The following PRKCI variants were observed in gnomAD, a reference collection of about 807,000 sequenced individuals.
PRKCI encodes protein kinase C iota type.
PRKCI carries 43 observed loss-of-function variants against 84.0 expected under a neutral mutation model. That is an observed-to-expected ratio of 0.51 (90% CI 0.40 to 0.66). The LOEUF (loss-of-function observed/expected upper bound fraction) is 0.66. Among genes scored for constraint, PRKCI ranks in the 30% least tolerant of loss-of-function variants. PRKCI has a pLI of 0.00. For missense variants in PRKCI, 459 were observed against 745.6 expected (o/e 0.62, Z 4.48); for synonymous variants, 216 against 234.4 (o/e 0.92, Z 0.72).
At position 170,270,543 on chromosome 3, in the gene PRKCI, G is replaced by A; in HGVS notation, c.573G>A (p.Gly191=). ...ATAAACTCGTCACAATTGAATGTGG[G>A]CGGCATTCTTTGCCACAGGTAAGAT... ...KCHKLVTIEC[G]RHSLPQEPVM... is the part of the protein sequence containing the mutation. The change falls in exon 6 of 18, where the codon GGG becomes GGA. Residue 191 remains glycine, a synonymous_variant. Transcript: ENST00000295797. The A allele has an allele frequency of 6.2e-7, 1 of 1,611,310 alleles. No individual in the cohort carries two copies. The highest frequency in any genetic ancestry group is 8.5e-7 in the Non-Finnish European group (1 of 1,179,166).
chr3:170,253,474 C>T (rs1009802502), intron 2 of PRKCI, among the ~76,000 whole-genome samples: 2 of 152,094 alleles, frequency 1.3e-5, no homozygotes, highest in Non-Finnish European at 2.9e-5. Flanking sequence ...ACCTGTTTGC[C>T]GTTTGTATGT....
At chr3:170,241,535 G>T (rs535488301) in intron 2 of PRKCI, among the ~76,000 whole-genome samples, 1 of 152,248 alleles carries the variant, frequency 6.6e-6, no homozygotes, top group East Asian at 1.9e-4. Flanking sequence ...GTATTCCATT[G>T]TGTGTATATG....
At chr3:170,258,572 G>A (rs994154501) in intron 2 of PRKCI, among the ~76,000 whole-genome samples, 1 of 152,050 alleles carries the variant, frequency 6.6e-6, no homozygotes, top group Non-Finnish European at 1.5e-5. Context: ...AAACTGTTGG[G>A]ATTACAGGCC....
chr3:170,292,008 G>T, intron 13 of PRKCI, 67 bp downstream of exon 13: 1 of 1,074,166 alleles, frequency 9.3e-7, no homozygotes, highest in Non-Finnish European at 1.4e-6. Flanking sequence ...GGTACCAATT[G>T]CATTACAGTA....
intron 1 of PRKCI, among the ~76,000 whole-genome samples, chr3:170,227,089 A>G (rs77144802): frequency 0.021 from 3,261 of 152,242 alleles, 104 homozygotes; most frequent in African/African-American, 0.074. Context: ...GAAAGGAGCA[A>G]CTCTGCACAG....
chr3:170,243,672 A>T (rs75152079), intron 2 of PRKCI, among the ~76,000 whole-genome samples: 3,202 of 152,314 alleles, frequency 0.021, 53 homozygotes, highest in East Asian at 0.085. Flanking sequence ...GGAATTCACA[A>T]GGAAGTTGAG....
At chr3:170,247,017 T>C (rs1733304180) in intron 2 of PRKCI, among the ~76,000 whole-genome samples, 1 of 152,040 alleles carries the variant, frequency 6.6e-6, no homozygotes, top group African/African-American at 2.4e-5. Context: ...ATGCAAAATC[T>C]GCTATCAACT....
At chr3:170,244,108 T>C (rs1173822084) in intron 2 of PRKCI, among the ~76,000 whole-genome samples, 2 of 152,078 alleles carry the variant, frequency 1.3e-5, no homozygotes, top group African/African-American at 4.8e-5. Context: ...TTGATTCCCA[T>C]GAGATCCTGA....
chr3:170,301,951 CA>C (rs1383507782), intron 17 of PRKCI, among the ~76,000 whole-genome samples: 1 of 152,300 alleles, frequency 6.6e-6, no homozygotes, highest in East Asian at 1.9e-4. Flanking sequence ...CACCATAATA[CA>C]AACAGTGTTC....
chr3:170,263,389 T>C lies in PRKCI; in HGVS notation c.324T>C (p.Cys108=). The C allele has an allele frequency of 6.2e-7, 1 of 1,602,832 alleles. No individual in the cohort carries two copies. Among genetic ancestry groups the C allele is most frequent in the Non-Finnish European group, 8.5e-7 (1 of 1,169,826 alleles). The change falls in exon 4 of 18, where the codon TGT becomes TGC. Residue 108 remains cysteine (C), a synonymous_variant. Transcript: ENST00000295797. ...TTTATTTTCTTTCAGTGTTCCCTTGTGTACCAGAACGTCCTGGGATGCCTT... is the reference window on the plus strand; with the variant it reads ...TTTATTTTCTTTCAGTGTTCCCTTGCGTACCAGAACGTCCTGGGATGCCTT... ...DSELLIHVFP[C]VPERPGMPCP... is the part of the protein sequence containing the mutation.
chr3:170,301,617 C>G (rs544544983), intron 17 of PRKCI, among the ~76,000 whole-genome samples: 74 of 152,172 alleles, frequency 4.9e-4, no homozygotes, highest in African/African-American at 1.7e-3. Flanking sequence ...TTACATAATA[C>G]CTGCAGCTGC....
chr3:170,236,864 CAA>C (rs11392753), intron 2 of PRKCI, among the ~76,000 whole-genome samples: 25 of 125,604 alleles, frequency 2.0e-4, no homozygotes, highest in Admixed American at 3.3e-4. Flanking sequence ...GACCCTGTCT[CAA>C]AAAAAAAAAA....
At chr3:170,282,975 G>A (rs1453616336) in intron 11 of PRKCI, among the ~76,000 whole-genome samples, 1 of 151,716 alleles carries the variant, frequency 6.6e-6, no homozygotes, top group Non-Finnish European at 1.5e-5. Context: ...CGTGGTGGCG[G>A]GCACCTGTGG....
intron 13 of PRKCI, 174 bp from the exon 14 acceptor site, chr3:170,293,209 C>T: frequency 6.0e-6 from 3 of 499,272 alleles, no homozygotes; most frequent in South Asian, 8.1e-5. Flanking sequence ...AGGTACCTAC[C>T]CTTGTTGATA....
chr3:170,274,528 G>A (rs1734070015), intron 7 of PRKCI, among the ~76,000 whole-genome samples: 1 of 152,208 alleles, frequency 6.6e-6, no homozygotes, highest in East Asian at 1.9e-4. Flanking sequence ...GGAAGATGGT[G>A]TAACTGAAAA....
chr3:170,252,711 G>T (rs1451334855), intron 2 of PRKCI, among the ~76,000 whole-genome samples: 2 of 150,864 alleles, frequency 1.3e-5, no homozygotes, highest in Admixed American at 1.3e-4. Context: ...CAGTCCTCCT[G>T]CCTCAGCCTA....
chr3:170,223,833 T>A (rs540037412), intron 1 of PRKCI, among the ~76,000 whole-genome samples: 1 of 152,152 alleles, frequency 6.6e-6, no homozygotes, highest in Non-Finnish European at 1.5e-5. Context: ...TCAGTGAAGA[T>A]AGCAAACTCT....
At chr3:170,238,085 G>A (rs753035103) in intron 2 of PRKCI, among the ~76,000 whole-genome samples, 4 of 152,134 alleles carry the variant, frequency 2.6e-5, no homozygotes, top group Non-Finnish European at 4.4e-5. Context: ...ATATGGGGCC[G>A]GGCATGGTTT....
At chr3:170,281,530 T>C (rs1734247591) in intron 10 of PRKCI, 18 of 414,996 alleles carry the variant, frequency 4.3e-5, no homozygotes, top group Non-Finnish European at 7.2e-5. Flanking sequence ...ATATCCCCAG[T>C]ATTCTAGTTT....
Sources: allele counts gnomAD v4.1 joint callset (sites outside exome capture counted in the v4.1 genomes callset), GRCh38; gene constraint gnomAD v4.1.1; transcripts MANE v1.5; gene names NCBI Gene and HGNC (gene_info 2026-07-23, HGNC 2026-07-21).